DNAH17: variants seen among roughly 807,000 people sequenced by gnomAD.
The protein encoded by DNAH17 is dynein axonemal heavy chain 17.
In DNAH17, 376 loss-of-function variants were observed where a neutral mutation model predicts 485.6. The observed-to-expected ratio is 0.77, with a 90% CI of 0.71 to 0.84. The LOEUF (loss-of-function observed/expected upper bound fraction) is 0.84. Ranked by LOEUF, DNAH17 falls within the 40% of genes least tolerant of loss-of-function variation. The probability of loss-of-function intolerance (pLI) is 0.00; values close to 1 mark genes in which losing one functional copy is unlikely to be tolerated. For synonymous variants in DNAH17, 3,031 were observed against 2,405.9 expected (o/e 1.26, Z -7.60); for missense variants, 6,370 against 5,839.3 (o/e 1.09, Z -2.96).
chr17:78,575,114 G>GTC, intron 1 of DNAH17, 32 bp from the exon 2 acceptor site: 1 of 1,417,322 alleles, frequency 7.1e-7, no homozygotes, highest in Non-Finnish European at 9.5e-7. Flanking sequence ...GGTACGAACT[G>GTC]TCTCCCGGGC....
intron 24 of DNAH17, 123 bp downstream of exon 24, chr17:78,526,528 G>T: frequency 2.6e-6 from 2 of 778,604 alleles, no homozygotes; most frequent in Non-Finnish European, 4.1e-6. Context: ...GAGCACTCGT[G>T]CACGGCCCCA....
rs149484088 is a variant in DNAH17 at position 78,446,844 on chromosome 17, G to A, written c.11212-1164C>T. 2.4e-3 allele frequency among the ~76,000 whole-genome samples: 359 copies of A among 152,144 alleles called. 7 individuals are homozygous for A. In the East Asian group the frequency reaches 0.046, roughly 20 times the overall value. ...TTTTTTGTAGAGACAGGGTTTCACCGTGTTGGCCAGGCTGGTCTTGAACTA... is the reference window on the plus strand; with the variant it reads ...TTTTTTGTAGAGACAGGGTTTCACCATGTTGGCCAGGCTGGTCTTGAACTA... On this transcript the variant is annotated intron_variant, in intron 69 of 80. Transcript: ENST00000389840.
intron 73 of DNAH17, 35 bp downstream of exon 73, chr17:78,439,055 G>A: frequency 6.2e-7 from 1 of 1,604,490 alleles, no homozygotes; most frequent in Non-Finnish European, 8.5e-7. Context: ...CTCAGTGCGG[G>A]GAGCCCTTAC....
intron 17 of DNAH17, among the ~76,000 whole-genome samples, chr17:78,543,557 T>A (rs371856889): frequency 3.3e-5 from 5 of 152,120 alleles, no homozygotes; most frequent in African/African-American, 1.2e-4. Context: ...CCCAAAGTGC[T>A]GGGATTACAG....
chr17:78,499,079 T>A lies in DNAH17; in HGVS notation c.5674A>T (p.Thr1892Ser). ...CGNIYKGLAQ[T>S]GAWGCFDEFN... The stretch of plus-strand genomic sequence containing the variant: ...TCGTCAAAGCAGCCCCAGGCTCCCG[T>A]CTGGGCCAGGCCCTTGTAGATATTT... The change falls in exon 37 of 81, where the codon ACG becomes TCG. Residue 1892 changes from threonine to serine, a missense_variant. Coordinates refer to ENST00000389840, the MANE Select transcript of DNAH17 (RefSeq NM_173628.4). The A allele has an allele frequency of 6.2e-7, 1 of 1,608,058 alleles. No homozygotes were observed.
chr17:78,553,306 T>A, intron 14 of DNAH17, among the ~76,000 whole-genome samples: 1 of 73,672 alleles, frequency 1.4e-5, no homozygotes. Context: ...TTTTTTTTTT[T>A]TTTTTTTTTT....
intron 56 of DNAH17, among the ~76,000 whole-genome samples, chr17:78,463,432 G>A (rs569557684): frequency 2.0e-5 from 3 of 149,440 alleles, no homozygotes; most frequent in African/African-American, 7.7e-5. Flanking sequence ...ATATATACAC[G>A]TGCATACGCA....
At chr17:78,458,741 G>T in intron 61 of DNAH17, 61 bp from the exon 62 acceptor site, 1 of 1,442,604 alleles carries the variant, frequency 6.9e-7, no homozygotes. Context: ...GCCCCCTGCA[G>T]CGGCAGCAGG....
Position 78,453,440 on chromosome 17 carries a change from T to C in DNAH17, c.10432A>G (p.Ile3478Val), listed in dbSNP as rs774860616. 5 of 1,613,948 alleles carry C rather than the reference T, an allele frequency of 3.1e-6. No individual in the cohort carries two copies. Among genetic ancestry groups the C allele is most frequent in the Admixed American group, 1.7e-5 (1 of 60,022 alleles). Residue 3478 changes from isoleucine (I) to valine (V), a missense_variant, in exon 65 of 81, where the codon ATC becomes GTC. By Grantham distance (29) the Ile-to-Val change is conservative. Coordinates refer to ENST00000389840, the MANE Select transcript of DNAH17 (RefSeq NM_173628.4). ...ATGAGCAAGGTGTCCCCTTCCGAGATGGCCTGCTCGATGACATCCAGGTAG... is the reference window on the plus strand; with the variant it reads ...ATGAGCAAGGTGTCCCCTTCCGAGACGGCCTGCTCGATGACATCCAGGTAG... ...KSYLDVIEQA[I>V]SEGDTLLIEN...
chr17:78,440,991 G>C, intron 72 of DNAH17, 60 bp downstream of exon 72: 1 of 1,547,372 alleles, frequency 6.5e-7, no homozygotes, highest in South Asian at 1.2e-5. Context: ...CATTTTCCTG[G>C]TGCCTGGTGA....
At chr17:78,442,803 CGTGGGGGTGG>C (rs2087125187) in intron 71 of DNAH17, among the ~76,000 whole-genome samples, 1 of 152,166 alleles carries the variant, frequency 6.6e-6, no homozygotes, top group Non-Finnish European at 1.5e-5. Flanking sequence ...GTGTTGCGCA[CGTGGGGGTGG>C]CCTGGCCTGC....
intron 71 of DNAH17, among the ~76,000 whole-genome samples, chr17:78,442,844 G>C (rs918005751): frequency 6.6e-6 from 1 of 152,238 alleles, no homozygotes; most frequent in Non-Finnish European, 1.5e-5. Flanking sequence ...CCTGTGACCT[G>C]AGTGTGGAAG....
intron 64 of DNAH17, among the ~76,000 whole-genome samples, chr17:78,453,732 G>A (rs796127317): frequency 2.6e-5 from 4 of 152,364 alleles, no homozygotes; most frequent in African/African-American, 9.6e-5. Context: ...CTCTGGCCCA[G>A]GCTGGAGTGC....
At chr17:78,506,133 C>T (rs995321406) in intron 30 of DNAH17, among the ~76,000 whole-genome samples, 163 of 140,094 alleles carry the variant, frequency 1.2e-3, no homozygotes, top group African/African-American at 4.0e-3. Flanking sequence ...TTCCCTTCAC[C>T]TAGTTAATTT....
At position 78,526,632 on chromosome 17, in the gene DNAH17, C is replaced by A; in HGVS notation, c.3711+19G>T. ...GGTTCCCAGACTTACCCCCTGATCT[C>A]ACCCTTGAGCAAAAATACCTTATTC... is the stretch of plus-strand genomic sequence containing the variant. On this transcript the variant is annotated intron_variant, in intron 24 of 80. Transcript: ENST00000389840. The A allele has an allele frequency of 6.3e-7, 1 of 1,580,100 alleles. No individual in the cohort carries two copies. The highest frequency in any genetic ancestry group is 8.6e-7 in the Non-Finnish European group (1 of 1,159,730).
intron 71 of DNAH17, 137 bp from the exon 72 acceptor site, chr17:78,441,336 G>C: frequency 1.0e-6 from 1 of 956,274 alleles, no homozygotes; most frequent in South Asian, 1.7e-5. Flanking sequence ...TGTGGCAGGA[G>C]AGCAGAGTCT....
rs529981668 is a variant in DNAH17 at position 78,525,968 on chromosome 17, G to A, written c.3711+683C>T. On this transcript the variant is annotated intron_variant, in intron 24 of 80. Transcript: ENST00000389840. ...TCACATTTGCTAGAGCCTGTGAGGC[G>A]GAGGTGCAGGTGGGGCCGACCCAGC... is the stretch of plus-strand genomic sequence containing the variant. Among the ~76,000 whole-genome samples, 12 of 152,374 alleles carry A rather than the reference G, an allele frequency of 7.9e-5. No individual in the cohort carries two copies. The East Asian group carries it at 1.9e-3, about 24-fold the overall frequency.
intron 25 of DNAH17, among the ~76,000 whole-genome samples, chr17:78,516,073 C>T (rs558162683): frequency 6.6e-6 from 1 of 152,284 alleles, no homozygotes; most frequent in East Asian, 1.9e-4. Context: ...ACTTGAGAAA[C>T]ATCTGAGCTT....
Position 78,461,547 on chromosome 17 carries a change from A to AT in DNAH17, c.9335dup (p.Asn3112LysfsTer2), listed in dbSNP as rs1411804641. On this transcript the variant is annotated frameshift_variant, in exon 58 of 81. Transcript: ENST00000389840. LOFTEE classifies it high-confidence loss of function. The stretch of plus-strand genomic sequence containing the variant: ...ACGCTGGGCTGCCTTCACCTACCTT[A>AT]TTGATGACCTCGACCTTGACTTCTT... The AT allele has an allele frequency of 6.3e-7, 1 of 1,587,756 alleles. No individual in the cohort carries two copies. Among genetic ancestry groups the AT allele is most frequent in the Non-Finnish European group, 8.6e-7 (1 of 1,168,106 alleles).
Sources: gnomAD v4.1 joint callset for allele counts (sites outside exome capture counted in the v4.1 genomes callset) on GRCh38, gnomAD v4.1.1 for gene constraint, MANE v1.5 for transcripts, NCBI Gene and HGNC (gene_info 2026-07-23, HGNC 2026-07-21) for gene names.